COA4: variants seen among roughly 807,000 people sequenced by gnomAD.
COA4 encodes cytochrome c oxidase assembly factor 4 homolog, mitochondrial.
A neutral mutation model predicts 7.3 loss-of-function variants in COA4; 8 were observed. The observed-to-expected ratio is 1.10, with a 90% confidence interval of 0.64 to 1.98. COA4 has a LOEUF of 1.98. COA4 is among the 30% of genes most tolerant of loss of function. The probability of loss-of-function intolerance (pLI) is 0.00; values close to 1 mark genes in which losing one functional copy is unlikely to be tolerated. For missense variants in COA4, 96 were observed against 111.2 expected (o/e 0.86, Z 0.62); for synonymous variants, 42 against 44.3 (o/e 0.95, Z 0.21).
At position 73,873,271 on chromosome 11, in the gene COA4, G is replaced by A. The variant is rs1948707852; in HGVS notation, c.108C>T (p.Ala36=). ...DQLISRSGCA[A]SHFAVQECMA... is the part of the protein sequence containing the mutation. Reference sequence around the variant, plus strand: ...TGCACTCCTGCACTGCAAAGTGGGAGGCAGCACAGCCAGAGCGGGAGATCA... The same window carrying A: ...TGCACTCCTGCACTGCAAAGTGGGAAGCAGCACAGCCAGAGCGGGAGATCA... Residue 36 remains alanine (A), a synonymous_variant, in exon 2 of 2, where the codon GCC becomes GCT. Transcript: ENST00000355693. 2 of 1,614,272 alleles carry A rather than the reference G, an allele frequency of 1.2e-6. No homozygotes were observed. The highest frequency in any genetic ancestry group is 1.7e-6 in the Non-Finnish European group (2 of 1,180,056).
chr11:73,875,452 C>G (rs1006454042), intron 1 of COA4, among the ~76,000 whole-genome samples: 2 of 152,110 alleles, frequency 1.3e-5, no homozygotes, highest in Admixed American at 6.5e-5. Context: ...GGAAACAGGG[C>G]AGTTTACTAC....
Position 73,876,770 on chromosome 11 carries a change from GAA to G in COA4, c.-32_-31del. The G allele has an allele frequency of 2.7e-6, 1 of 374,012 alleles. No individual in the cohort carries two copies. Among genetic ancestry groups the G allele is most frequent in the Non-Finnish European group, 4.8e-6 (1 of 208,750 alleles). 23.2% of individuals were successfully genotyped at this position (374,012 alleles called of 1,614,324 possible). On this transcript the variant is annotated 5_prime_UTR_variant, in exon 1 of 2. Coordinates refer to ENST00000355693, the MANE Select transcript of COA4 (RefSeq NM_016565.3). ...CGCGATGCTCACCGAACAGGTGGGA[GAA>G]GAGGGCCCGAACGCACGCTCCTACG...
In COA4 at chr11:73,873,253, C is replaced by T; in HGVS notation, c.126G>A (p.Gln42=). 4 of 1,614,266 alleles carry T rather than the reference C, an allele frequency of 2.5e-6. No homozygotes were observed. The highest frequency in any genetic ancestry group is 3.4e-6 in the Non-Finnish European group (4 of 1,180,056). ...SGCAASHFAV[Q]ECMAQHQDWR... ...AGTCCTGGTGCTGGGCCATGCACTC[C>T]TGCACTGCAAAGTGGGAGGCAGCAC... The change falls in exon 2 of 2, where the codon CAG becomes CAA. Residue 42 remains glutamine, a synonymous_variant. Transcript: ENST00000355693.
chr11:73,873,678 A>G (rs748045240), intron 1 of COA4: 1 of 437,730 alleles, frequency 2.3e-6, no homozygotes, highest in Non-Finnish European at 4.0e-6. Context: ...ATCACCACTC[A>G]GCTAATTTTT....
intron 1 of COA4, chr11:73,873,639 G>A: frequency 1.9e-6 from 1 of 536,098 alleles, no homozygotes; most frequent in Non-Finnish European, 3.3e-6. Flanking sequence ...GTCCCTCCCT[G>A]GCCAGAGTAG....
rs772781949 is a variant in COA4 at position 73,873,428 on chromosome 11, A to G, written c.-16-34T>C. On this transcript the variant is annotated intron_variant, in intron 1 of 1. Transcript: ENST00000355693. ...CATTAACAGGTTAGAGTAGGGATAT[A>G]ATATGTAAGGTTCCTAAATTATAAA... 1.9e-6 allele frequency: 3 copies of G among 1,580,822 alleles called. No individual in the cohort carries two copies. In the East Asian group the frequency reaches 6.7e-5, roughly 35 times the overall value.
At chr11:73,875,623 C>T (rs1338951895) in intron 1 of COA4, 1 of 146,806 alleles carries the variant, frequency 6.8e-6, no homozygotes, top group East Asian at 2.0e-4. Flanking sequence ...TATTTTTGGT[C>T]AATGGAAGAG....
At chr11:73,875,473 G>C (rs1436565505) in intron 1 of COA4, among the ~76,000 whole-genome samples, 1 of 152,196 alleles carries the variant, frequency 6.6e-6, no homozygotes, top group African/African-American at 2.4e-5. Context: ...ACAGTGTACA[G>C]ATAGCAAAGA....
At position 73,873,541 on chromosome 11, in the gene COA4, T is replaced by A. The variant is rs1053609881; in HGVS notation, c.-16-147A>T. On this transcript the variant is annotated intron_variant, in intron 1 of 1. Coordinates refer to ENST00000355693, the MANE Select transcript of COA4 (RefSeq NM_016565.3). ...AAGCTTGAAGACAGATGCTTGTTTT[T>A]TTTTTTTTTTTTTTGAGGGTGTCTT... 5 of 685,492 alleles carry A rather than the reference T, an allele frequency of 7.3e-6. No individual in the cohort carries two copies. The African/African-American group carries it at 9.1e-5, about 13-fold the overall frequency. 42.5% of individuals were successfully genotyped at this position (685,492 alleles called of 1,614,324 possible).
chr11:73,873,355 G>T lies in COA4; in HGVS notation c.24C>A (p.Gly8=). The change falls in exon 2 of 2, where the codon GGC becomes GGA. Residue 8 remains glycine, a synonymous_variant. Coordinates refer to ENST00000355693, the MANE Select transcript of COA4 (RefSeq NM_016565.3). ...TCTTCACCCGTTGGGTCCAGGTATGGCCTTGAGGGACTGAGGTTGACATCC... is the reference window on the plus strand; with the variant it reads ...TCTTCACCCGTTGGGTCCAGGTATGTCCTTGAGGGACTGAGGTTGACATCC... MSTSVPQ[G]HTWTQRVKKD... is the part of the protein sequence containing the mutation. 12 of 1,614,174 alleles carry T rather than the reference G, an allele frequency of 7.4e-6. No homozygotes were observed. Among genetic ancestry groups the T allele is most frequent in the Non-Finnish European group, 1.0e-5 (12 of 1,180,026 alleles).
chr11:73,873,149 T>C lies in COA4; in HGVS notation c.230A>G (p.Gln77Arg). ...EQQARRQEEL[Q>R]RRQEQAGAHH ...GGCACCGGCTTGTTCTTGCCTCCTC[T>C]GCAGCTCCTCTTGCCGCCTCGCCTG... is the stretch of plus-strand genomic sequence containing the variant. The change falls in exon 2 of 2, where the codon CAG becomes CGG. Residue 77 changes from glutamine (Q) to arginine (R), a missense_variant. Gln to Arg is a conservative substitution (Grantham distance 43, BLOSUM62 1). Transcript: ENST00000355693. The C allele has an allele frequency of 6.2e-7, 1 of 1,613,044 alleles. No homozygotes were observed. The highest frequency in any genetic ancestry group is 1.1e-5 in the South Asian group (1 of 91,002).
rs1479607711 is a variant in COA4, at chr11:73,876,804, C to T, written c.-64G>A. On this transcript the variant is annotated 5_prime_UTR_variant, in exon 1 of 2. Transcript: ENST00000355693. ...CCGAACGCACGCTCCTACGCGGCGG[C>T]TTGGGTTTCGCAGGCGGTTGGGGAT... 3 of 423,782 alleles carry T rather than the reference C, an allele frequency of 7.1e-6. No individual in the cohort carries two copies. The highest frequency in any genetic ancestry group is 9.0e-5 in the Admixed American group (2 of 22,282). The allele number at this position is 423,782 out of a possible 1,614,324, so 26.3% of individuals were successfully genotyped here.
At position 73,873,244 on chromosome 11, in the gene COA4, C is replaced by A; in HGVS notation, c.135G>T (p.Met45Ile). ...ATTGCCGCCAGTCCTGGTGCTGGGC[C>A]ATGCACTCCTGCACTGCAAAGTGGG... ...AASHFAVQEC[M>I]AQHQDWRQCQ... is the part of the protein sequence containing the mutation. Residue 45 changes from methionine (M) to isoleucine (I), a missense_variant, in exon 2 of 2, where the codon ATG (methionine) becomes ATT (isoleucine). Physicochemically the swap from Met to Ile is conservative, Grantham distance 10. Coordinates refer to ENST00000355693, the MANE Select transcript of COA4 (RefSeq NM_016565.3). 1 of 1,614,210 alleles carries A rather than the reference C, an allele frequency of 6.2e-7. No homozygotes were observed. Among genetic ancestry groups the A allele is most frequent in the Non-Finnish European group, 8.5e-7 (1 of 1,180,038 alleles).
chr11:73,873,204 G>A lies in COA4; in HGVS notation c.175C>T (p.Gln59Ter). 1 of 1,614,202 alleles carries A rather than the reference G, an allele frequency of 6.2e-7. No individual in the cohort carries two copies. The highest frequency in any genetic ancestry group is 8.5e-7 in the Non-Finnish European group (1 of 1,180,042). ...QDWRQCQPQV[Q>*]AFKDCMSEQQ... ...TCACTCATGCAATCCTTGAACGCCT[G>A]CACCTGTGGCTGGCATTGCCGCCAG... Residue 59 changes from glutamine (Q) to a stop codon, truncating the protein, a stop_gained, in exon 2 of 2, where the codon CAG becomes TAG. Coordinates refer to ENST00000355693, the MANE Select transcript of COA4 (RefSeq NM_016565.3). LOFTEE classifies it high-confidence loss of function.
At position 73,876,820 on chromosome 11, in the gene COA4, G is replaced by T; in HGVS notation, c.-80C>A. On this transcript the variant is annotated 5_prime_UTR_variant, in exon 1 of 2. Coordinates refer to ENST00000355693, the MANE Select transcript of COA4 (RefSeq NM_016565.3). Reference sequence around the variant, plus strand: ...ACGCGGCGGCTTGGGTTTCGCAGGCGGTTGGGGATCCTCTGTACATCCTTT... The same window carrying T: ...ACGCGGCGGCTTGGGTTTCGCAGGCTGTTGGGGATCCTCTGTACATCCTTT... 1 of 460,154 alleles carries T rather than the reference G, an allele frequency of 2.2e-6. No individual in the cohort carries two copies. The highest frequency in any genetic ancestry group is 3.6e-6 in the Non-Finnish European group (1 of 276,142). The allele number at this position is 460,154 out of a possible 1,614,324, so 28.5% of individuals were successfully genotyped here. A position where few individuals can be genotyped will look rare whatever the true frequency, so the allele number is the denominator to read the frequency against.
chr11:73,874,477 A>G (rs1948720533), intron 1 of COA4: 1 of 152,020 alleles, frequency 6.6e-6, no homozygotes, highest in South Asian at 2.1e-4. Flanking sequence ...AAAAAAATGT[A>G]AAAATTAGCT....
chr11:73,875,119 G>C (rs1948727351), intron 1 of COA4, among the ~76,000 whole-genome samples: 2 of 152,216 alleles, frequency 1.3e-5, no homozygotes, highest in South Asian at 4.1e-4. Context: ...TCTATAAGGT[G>C]AGATGGCTTT....
At chr11:73,873,474 C>A in intron 1 of COA4, 80 bp from the exon 2 acceptor site, 4 of 1,274,244 alleles carry the variant, frequency 3.1e-6, no homozygotes, top group Non-Finnish European at 4.4e-6. Flanking sequence ...CAGACTGCAC[C>A]ATTTAGCCTG....
Position 73,873,024 on chromosome 11 carries a change from C to T in COA4, c.*91G>A. ...AAAACTCTCCCCATGTTTTAGACCT[C>T]CCACACCAGCATTTAGGATTTCTTC... On this transcript the variant is annotated 3_prime_UTR_variant, in exon 2 of 2. Coordinates refer to ENST00000355693, the MANE Select transcript of COA4 (RefSeq NM_016565.3). 4 of 1,488,708 alleles carry T rather than the reference C, an allele frequency of 2.7e-6. No individual in the cohort carries two copies. The Admixed American group carries it at 8.9e-5, about 33-fold the overall frequency. The allele number at this position is 1,488,708 out of a possible 1,614,324, so 92.2% of individuals were successfully genotyped here. A position where few individuals can be genotyped will look rare whatever the true frequency, so the allele number is the denominator to read the frequency against.
Sources: allele counts gnomAD v4.1 joint callset (sites outside exome capture counted in the v4.1 genomes callset), GRCh38; gene constraint gnomAD v4.1.1; transcripts MANE v1.5; gene names NCBI Gene and HGNC (gene_info 2026-07-23, HGNC 2026-07-21).